Variants in SMIM41 observed in about 807,000 individuals in gnomAD.
SMIM41 encodes small integral membrane protein 41.
At chr12:52,093,849 G>A (rs1940044308) in intron 2 of SMIM41, among the ~76,000 whole-genome samples, 1 of 152,154 alleles carries the variant, frequency 6.6e-6, no homozygotes, top group Non-Finnish European at 1.5e-5. Flanking sequence ...AATCTGGCCG[G>A]GTGGGGCGCG....
intron 2 of SMIM41, among the ~76,000 whole-genome samples, chr12:52,089,383 G>A (rs906987156): frequency 1.3e-5 from 2 of 152,006 alleles, no homozygotes; most frequent in Non-Finnish European, 2.9e-5. Context: ...TCACTTGAGT[G>A]CAGGAATTGA....
chr12:52,099,988 T>C (rs1347694529), intron 2 of SMIM41, among the ~76,000 whole-genome samples: 9 of 152,100 alleles, frequency 5.9e-5, no homozygotes, highest in Admixed American at 1.3e-4. Flanking sequence ...CCCTGAGATA[T>C]TGGGAGTAAT....
chr12:52,086,853 T>C (rs1939901690), intron 2 of SMIM41, among the ~76,000 whole-genome samples: 1 of 150,854 alleles, frequency 6.6e-6, no homozygotes, highest in African/African-American at 2.4e-5. Context: ...TCAGTCACTG[T>C]CTTGCCCATG....
chr12:52,105,888 A>G (rs1272837173), intron 2 of SMIM41, among the ~76,000 whole-genome samples: 2 of 152,184 alleles, frequency 1.3e-5, no homozygotes, highest in Non-Finnish European at 2.9e-5. Flanking sequence ...CTGTATGGCA[A>G]GGGGTGAGAT....
Position 52,085,934 on chromosome 12 carries a change from C to T in SMIM41, c.*195+1966C>T, listed in dbSNP as rs982363661. The stretch of plus-strand genomic sequence containing the variant: ...CAGCTGTGGCTCCTTGAGTTGGAGG[C>T]AAGCTGTCAGGTGGACAATGAGTAT... On this transcript the variant is annotated intron_variant, in intron 2 of 2. Transcript: ENST00000546390. 4.6e-5 allele frequency among the ~76,000 whole-genome samples: 7 copies of T among 152,178 alleles called. No individual in the cohort carries two copies. The South Asian group carries it at 1.2e-3, about 27-fold the overall frequency.
At chr12:52,093,339 C>T (rs929989262) in intron 2 of SMIM41, among the ~76,000 whole-genome samples, 8 of 152,184 alleles carry the variant, frequency 5.3e-5, no homozygotes, top group African/African-American at 1.9e-4. Context: ...TCATTTTTGC[C>T]ACAACTATTT....
chr12:52,099,343 T>C (rs536455184), intron 2 of SMIM41, among the ~76,000 whole-genome samples: 1 of 151,890 alleles, frequency 6.6e-6, no homozygotes, highest in African/African-American at 2.4e-5. Context: ...TCACGGGTGG[T>C]TTACATCCCC....
chr12:52,107,931 A>T lies in SMIM41; in HGVS notation c.*748A>T, dbSNP rs968806144. Reference sequence around the variant, plus strand: ...TGACACCTTCATCAATAACATAATCATGTATTTCCCTACTGCCATATTTGG... The same window carrying T: ...TGACACCTTCATCAATAACATAATCTTGTATTTCCCTACTGCCATATTTGG... On this transcript the variant is annotated 3_prime_UTR_variant, in exon 3 of 3. Coordinates refer to ENST00000546390, the MANE Select transcript of SMIM41 (RefSeq NM_001369216.1). The T allele has an allele frequency of 3.8e-5, 10 of 260,814 alleles. No individual in the cohort carries two copies. The highest frequency in any genetic ancestry group is 6.8e-5 in the Non-Finnish European group (9 of 133,136). 16.2% of individuals were successfully genotyped at this position (260,814 alleles called of 1,614,324 possible).
intron 2 of SMIM41, among the ~76,000 whole-genome samples, chr12:52,092,997 CGGT>C (rs1940030015): frequency 6.6e-6 from 1 of 151,958 alleles, no homozygotes; most frequent in Admixed American, 6.6e-5. Flanking sequence ...CTGGCTAACA[CGGT>C]GAAACCCCGT....
chr12:52,082,755 C>T (rs1939836520), intron 1 of SMIM41, among the ~76,000 whole-genome samples: 1 of 152,148 alleles, frequency 6.6e-6, no homozygotes, highest in African/African-American at 2.4e-5. Flanking sequence ...CTGAGATTTT[C>T]CCTAAGCTGG....
intron 2 of SMIM41, 55 bp from the exon 3 acceptor site, chr12:52,107,324 C>A (rs1940360768): frequency 2.1e-6 from 1 of 468,458 alleles, no homozygotes; most frequent in Non-Finnish European, 4.3e-6. Context: ...CAAAAGTTGT[C>A]CAAACTATAC....
intron 2 of SMIM41, among the ~76,000 whole-genome samples, chr12:52,084,512 G>A (rs1406297909): frequency 6.6e-6 from 1 of 152,158 alleles, no homozygotes; most frequent in Non-Finnish European, 1.5e-5. Context: ...AAAGAGCCCA[G>A]AGTGAAAGAG....
chr12:52,085,797 G>A (rs1322884291), intron 2 of SMIM41, among the ~76,000 whole-genome samples: 1 of 152,240 alleles, frequency 6.6e-6, no homozygotes, highest in Non-Finnish European at 1.5e-5. Flanking sequence ...AGGGCTGTCT[G>A]TGCACCAAAT....
chr12:52,106,201 G>A (rs1416650323), intron 2 of SMIM41, among the ~76,000 whole-genome samples: 1 of 152,120 alleles, frequency 6.6e-6, no homozygotes, highest in Admixed American at 6.6e-5. Context: ...AGTCTCTTTT[G>A]TTTCTGACTC....
In SMIM41 at chr12:52,093,959, T is replaced by C. The variant is rs1219281647; in HGVS notation, c.*195+9991T>C. On this transcript the variant is annotated intron_variant, in intron 2 of 2. Coordinates refer to ENST00000546390, the MANE Select transcript of SMIM41 (RefSeq NM_001369216.1). ...CAGCCTGGCCAACATGGTGAAACCC[T>C]GTCTCTACAAAAAATAGAAGAATTA... 5.3e-5 allele frequency among the ~76,000 whole-genome samples: 8 copies of C among 151,852 alleles called. No individual in the cohort carries two copies. The East Asian group carries it at 1.4e-3, about 26-fold the overall frequency.
chr12:52,105,618 T>G (rs1940320721), intron 2 of SMIM41, among the ~76,000 whole-genome samples: 1 of 152,024 alleles, frequency 6.6e-6, no homozygotes, highest in Non-Finnish European at 1.5e-5. Flanking sequence ...TCGGGCATAG[T>G]GGCGGGCGCC....
intron 1 of SMIM41, among the ~76,000 whole-genome samples, chr12:52,082,649 C>G (rs953246061): frequency 3.3e-5 from 5 of 151,750 alleles, no homozygotes; most frequent in Non-Finnish European, 5.9e-5. Context: ...GCCAGGCACC[C>G]GAACTCCTAG....
chr12:52,090,473 A>T (rs1343283844), intron 2 of SMIM41, among the ~76,000 whole-genome samples: 1 of 152,134 alleles, frequency 6.6e-6, no homozygotes, highest in Non-Finnish European at 1.5e-5. Flanking sequence ...AGGCCACGGA[A>T]CAAGTGCTGA....
chr12:52,100,088 C>T (rs1038723746), intron 2 of SMIM41, among the ~76,000 whole-genome samples: 2 of 142,672 alleles, frequency 1.4e-5, no homozygotes, highest in East Asian at 4.6e-4. Context: ...ATCCTCTCCC[C>T]CCCCGGATAT....
Sources: allele counts gnomAD v4.1 joint callset (sites outside exome capture counted in the v4.1 genomes callset), GRCh38; gene constraint gnomAD v4.1.1; transcripts MANE v1.5; gene names NCBI Gene and HGNC (gene_info 2026-07-23, HGNC 2026-07-21).